ZNF804A: variants seen among roughly 807,000 people sequenced by gnomAD.
ZNF804A encodes zinc finger protein 804A.
ZNF804A carries 2 observed loss-of-function variants against 16.5 expected under a neutral mutation model. The observed-to-expected ratio is 0.12, with a 90% CI of 0.05 to 0.38. The LOEUF is 0.38. ZNF804A is among the 10% of genes least tolerant of loss of function. ZNF804A has a pLI of 0.99. For missense variants in ZNF804A, 1,473 were observed against 1,390.7 expected (o/e 1.06, Z -0.94); for synonymous variants, 534 against 489.6 (o/e 1.09, Z -1.20).
chr2:184,604,146 C>CTTT (rs759053144), intron 1 of ZNF804A, among the ~76,000 whole-genome samples: 468 of 44,882 alleles, frequency 0.01, 159 homozygotes, highest in South Asian at 0.016. Flanking sequence ...ACTGCAATTA[C>CTTT]TTTTTTTTTT....
chr2:184,822,977 G>A (rs990786450), intron 1 of ZNF804A, among the ~76,000 whole-genome samples: 2 of 152,042 alleles, frequency 1.3e-5, no homozygotes, highest in African/African-American at 2.4e-5. Context: ...TTTCAGAAGA[G>A]CCAAATAAGA....
intron 1 of ZNF804A, among the ~76,000 whole-genome samples, chr2:184,724,260 T>G (rs1693366657): frequency 6.6e-6 from 1 of 151,792 alleles, no homozygotes; most frequent in Non-Finnish European, 1.5e-5. Context: ...TTACATTTAT[T>G]ACTTTATGTA....
intron 1 of ZNF804A, among the ~76,000 whole-genome samples, chr2:184,769,711 A>G (rs1192360511): frequency 6.6e-6 from 1 of 152,068 alleles, no homozygotes; most frequent in African/African-American, 2.4e-5. Context: ...AAGGAAAGCC[A>G]TGATAGCCCA....
chr2:184,737,653 G>C (rs1313280160), intron 1 of ZNF804A, among the ~76,000 whole-genome samples: 1 of 151,752 alleles, frequency 6.6e-6, no homozygotes, highest in Non-Finnish European at 1.5e-5. Context: ...AATTATATTT[G>C]TCTATGCCAT....
Position 184,936,798 on chromosome 2 carries a change from A to C in ZNF804A, c.1402A>C (p.Lys468Gln). 6.2e-7 allele frequency: 1 copy of C among 1,613,536 alleles called. No homozygotes were observed. Among genetic ancestry groups the C allele is most frequent in the Non-Finnish European group, 8.5e-7 (1 of 1,179,758 alleles). Residue 468 changes from lysine to glutamine, a missense_variant, in exon 4 of 4, where the codon AAA (lysine) becomes CAA (glutamine). Lys to Gln is a moderately conservative substitution (Grantham distance 53, BLOSUM62 1). Transcript: ENST00000302277. ...TCTATGTTTTGACTTCAAGTCTACT[A>C]AAGTAAATAATAATCTAGATAAAAA... Reference protein sequence around the residue: ...NPLCFDFKSTKVNNNLDKNKP... With the variant: ...NPLCFDFKSTQVNNNLDKNKP...
At chr2:184,769,376 A>G (rs191501559) in intron 1 of ZNF804A, among the ~76,000 whole-genome samples, 69 of 152,236 alleles carry the variant, frequency 4.5e-4, no homozygotes, top group African/African-American at 1.6e-3. Flanking sequence ...CATTTTCTCA[A>G]AAGAAGGGCT....
chr2:184,892,487 T>TG (rs1685000819), intron 2 of ZNF804A, among the ~76,000 whole-genome samples: 1 of 127,208 alleles, frequency 7.9e-6, no homozygotes, highest in Admixed American at 7.4e-5. Context: ...TGTGTTCTTT[T>TG]TTTTTTTTTT....
chr2:184,691,421 A>T (rs112348618), intron 1 of ZNF804A, among the ~76,000 whole-genome samples: 4 of 151,834 alleles, frequency 2.6e-5, no homozygotes, highest in Non-Finnish European at 4.4e-5. Context: ...TATTCTATAT[A>T]TATATATAGT....
intron 1 of ZNF804A, among the ~76,000 whole-genome samples, chr2:184,603,188 C>T (rs1691078334): frequency 6.6e-6 from 1 of 152,088 alleles, no homozygotes. Context: ...TCAAATTTAT[C>T]GAGGTGCCTC....
intron 2 of ZNF804A, among the ~76,000 whole-genome samples, chr2:184,901,010 T>C (rs968816969): frequency 6.6e-6 from 1 of 152,210 alleles, no homozygotes; most frequent in African/African-American, 2.4e-5. Context: ...TATCTCCATA[T>C]GCTTGAACCA....
chr2:184,601,463 C>T (rs1189579590), intron 1 of ZNF804A, among the ~76,000 whole-genome samples: 2 of 151,940 alleles, frequency 1.3e-5, no homozygotes, highest in Non-Finnish European at 2.9e-5. Flanking sequence ...GAAATACAAA[C>T]ATCATCTTAG....
At chr2:184,680,306 G>A (rs10188162) in intron 1 of ZNF804A, among the ~76,000 whole-genome samples, 70,714 of 151,298 alleles carry the variant, frequency 0.47, 19,565 homozygotes, top group East Asian at 0.78. Flanking sequence ...TGCCTATGGA[G>A]AGGAGCTACC....
intron 1 of ZNF804A, among the ~76,000 whole-genome samples, chr2:184,831,293 T>G (rs779922605): frequency 1.2e-4 from 19 of 152,080 alleles, no homozygotes; most frequent in South Asian, 6.2e-4. Flanking sequence ...TTTTTGCATT[T>G]TTTCCTTTAC....
intron 1 of ZNF804A, among the ~76,000 whole-genome samples, chr2:184,774,894 T>G (rs556434020): frequency 5.9e-5 from 9 of 151,648 alleles, no homozygotes; most frequent in African/African-American, 2.2e-4. Flanking sequence ...CAGCTACCCT[T>G]CATGAGGGAA....
At chr2:184,932,145 T>C (rs1685712501) in intron 2 of ZNF804A, among the ~76,000 whole-genome samples, 1 of 152,130 alleles carries the variant, frequency 6.6e-6, no homozygotes, top group African/African-American at 2.4e-5. Flanking sequence ...AACTTTCTCA[T>C]ATCTTCCTGT....
rs368147045 is a variant in ZNF804A, at chr2:184,871,509, C to CAT, written c.255+5009_255+5010dup. On this transcript the variant is annotated intron_variant, in intron 2 of 3. Coordinates refer to ENST00000302277, the MANE Select transcript of ZNF804A (RefSeq NM_194250.2). ...TCACAGCCAAGGTTTTAAAAATAAACATATATATATATACCAAGAGAAAAA... is the reference window on the plus strand; with the variant it reads ...TCACAGCCAAGGTTTTAAAAATAAACATATATATATATATACCAAGAGAAAAA... 1.6e-3 allele frequency among the ~76,000 whole-genome samples: 236 copies of CAT among 147,278 alleles called. 1 individual carries two copies. Among genetic ancestry groups the CAT allele is most frequent in the East Asian group, 8.3e-3 (42 of 5,048 alleles).
At chr2:184,773,321 C>T (rs760661766) in intron 1 of ZNF804A, among the ~76,000 whole-genome samples, 3 of 151,586 alleles carry the variant, frequency 2.0e-5, no homozygotes, top group Non-Finnish European at 4.4e-5. Context: ...TATCTCACAC[C>T]TCTGCTGTGA....
intron 1 of ZNF804A, among the ~76,000 whole-genome samples, chr2:184,844,680 T>C (rs944036846): frequency 6.6e-6 from 1 of 151,966 alleles, no homozygotes; most frequent in Non-Finnish European, 1.5e-5. Context: ...GATATGCTTA[T>C]GTGTTTGTTG....
At chr2:184,626,135 T>A (rs1287010563) in intron 1 of ZNF804A, among the ~76,000 whole-genome samples, 1 of 152,194 alleles carries the variant, frequency 6.6e-6, no homozygotes, top group Non-Finnish European at 1.5e-5. Flanking sequence ...CCCAAAGTGC[T>A]GGGATTACAG....
Sources: allele counts gnomAD v4.1 joint callset (sites outside exome capture counted in the v4.1 genomes callset), GRCh38; gene constraint gnomAD v4.1.1; transcripts MANE v1.5; gene names NCBI Gene and HGNC (gene_info 2026-07-23, HGNC 2026-07-21).